Variants in PRKCZ observed in about 807,000 individuals in gnomAD.
The protein encoded by PRKCZ is protein kinase C zeta.
In PRKCZ, 33 loss-of-function variants were observed where a neutral mutation model predicts 79.5. That is an observed-to-expected ratio of 0.41 (90% CI 0.31 to 0.55). The LOEUF is 0.55. Ranked by LOEUF, PRKCZ falls within the 20% of genes least tolerant of loss-of-function variation. The pLI, the probability that PRKCZ is intolerant of heterozygous loss-of-function variation, is 0.19. For missense variants in PRKCZ, 578 were observed against 813.5 expected (o/e 0.71, Z 3.52); for synonymous variants, 342 against 320.9 (o/e 1.07, Z -0.70).
At chr1:2,113,261 C>T (rs947432064) in intron 4 of PRKCZ, among the ~76,000 whole-genome samples, 3 of 152,204 alleles carry the variant, frequency 2.0e-5, no homozygotes, top group East Asian at 3.9e-4. Flanking sequence ...AGGCAGCCGC[C>T]CCGTTTCCTC....
chr1:2,116,353 C>T (rs987551535), intron 4 of PRKCZ: 2 of 152,230 alleles, frequency 1.3e-5, no homozygotes, highest in Non-Finnish European at 2.9e-5. Context: ...GGGGACCCTC[C>T]TTTTAAAGGT....
chr1:2,185,122 G>T lies in PRKCZ; in HGVS notation c.*113G>T. 2.9e-6 allele frequency: 3 copies of T among 1,052,198 alleles called. No homozygotes were observed. Among genetic ancestry groups the T allele is most frequent in the Non-Finnish European group, 2.8e-6 (2 of 709,976 alleles). The allele number at this position is 1,052,198 out of a possible 1,614,324, so 65.2% of individuals were successfully genotyped here. A position where few individuals can be genotyped will look rare whatever the true frequency, so the allele number is the denominator to read the frequency against. On this transcript the variant is annotated 3_prime_UTR_variant, in exon 18 of 18. Coordinates refer to ENST00000378567, the MANE Select transcript of PRKCZ (RefSeq NM_002744.6). ...GCTCCGAGGGCGGCCAGGGACAGAC[G>T]CTTGCGCCGAGACCGCAGAGGGAAG...
Position 2,146,086 on chromosome 1 carries a change from T to G in PRKCZ, c.612T>G (p.Leu204=). ...PVDDKNEDAD[L]PSEETDGIAY... Reference sequence around the variant, plus strand: ...ACGACAAGAACGAGGACGCCGACCTTCCTTCCGAGGAGACAGATGGAAGTA... The same window carrying G: ...ACGACAAGAACGAGGACGCCGACCTGCCTTCCGAGGAGACAGATGGAAGTA... The change falls in exon 7 of 18, where the codon CTT becomes CTG. Residue 204 remains leucine (L), a synonymous_variant. Transcript: ENST00000378567. 1 of 1,614,032 alleles carries G rather than the reference T, an allele frequency of 6.2e-7. No homozygotes were observed. Among genetic ancestry groups the G allele is most frequent in the African/African-American group, 1.3e-5 (1 of 75,028 alleles).
intron 4 of PRKCZ, among the ~76,000 whole-genome samples, chr1:2,092,915 C>T (rs901204295): frequency 6.6e-6 from 1 of 152,194 alleles, no homozygotes; most frequent in South Asian, 2.1e-4. Flanking sequence ...CCAGCGGACA[C>T]ATCTCTTGCC....
At chr1:2,151,005 G>A (rs751507580) in intron 9 of PRKCZ, 27 bp downstream of exon 9, 13 of 1,610,560 alleles carry the variant, frequency 8.1e-6, no homozygotes, top group Middle Eastern at 2.0e-4. Context: ...ATGGGGCCCG[G>A]GGGCCCGGGA....
At chr1:2,159,665 C>T (rs139018108) in intron 10 of PRKCZ, among the ~76,000 whole-genome samples, 15 of 152,336 alleles carry the variant, frequency 9.8e-5, no homozygotes, top group Non-Finnish European at 2.2e-4. Flanking sequence ...ACAGGGAATT[C>T]CTGAATGTTA....
intron 4 of PRKCZ, among the ~76,000 whole-genome samples, chr1:2,062,549 G>T (rs1259530624): frequency 3.3e-5 from 5 of 149,968 alleles, no homozygotes; most frequent in Non-Finnish European, 7.4e-5. Flanking sequence ...TGGAGTGCAT[G>T]GTACAATCTT....
At chr1:2,073,949 C>A in intron 4 of PRKCZ, 1 of 1,367,024 alleles carries the variant, frequency 7.3e-7, no homozygotes, top group Non-Finnish European at 9.5e-7. Context: ...GGGCATCTCC[C>A]CCGTGGATTT....
intron 4 of PRKCZ, among the ~76,000 whole-genome samples, chr1:2,076,117 C>T (rs929724427): frequency 5.9e-5 from 9 of 152,140 alleles, no homozygotes; most frequent in African/African-American, 1.7e-4. Context: ...TGTTTGGGGC[C>T]GGGGCTGAGG....
chr1:2,089,533 C>T (rs1665117461), intron 4 of PRKCZ, among the ~76,000 whole-genome samples: 2 of 152,148 alleles, frequency 1.3e-5, no homozygotes, highest in African/African-American at 4.8e-5. Context: ...AGGACTGGTT[C>T]ACAGCCAGAG....
intron 9 of PRKCZ, among the ~76,000 whole-genome samples, chr1:2,152,899 AT>A (rs1680181553): frequency 6.6e-6 from 1 of 152,254 alleles, no homozygotes; most frequent in Non-Finnish European, 1.5e-5. Context: ...GCCAAGGGGC[AT>A]TATAGTGTTC....
intron 4 of PRKCZ, among the ~76,000 whole-genome samples, chr1:2,085,843 C>T (rs1664425072): frequency 6.6e-6 from 1 of 152,306 alleles, no homozygotes. Flanking sequence ...TCCCCTCTCA[C>T]AGGCAGGTCT....
rs778883573 is a variant in PRKCZ at position 2,174,972 on chromosome 1, T to C, written c.1485+139T>C. ...GTGGGTTGATTTTCCGCTTCAGTAT[T>C]TGAGCTCTGTGTTCTGTGAATCGTC... On this transcript the variant is annotated intron_variant, in intron 15 of 17. Coordinates refer to ENST00000378567, the MANE Select transcript of PRKCZ (RefSeq NM_002744.6). This position sits in a 1 kb window ranked among gnomAD's most constrained non-coding sequence, Gnocchi z 6.2. The C allele has an allele frequency of 4.3e-5, 39 of 914,022 alleles. No homozygotes were observed. The highest frequency in any genetic ancestry group is 5.9e-5 in the Non-Finnish European group (35 of 588,530). 56.6% of individuals were successfully genotyped at this position (914,022 alleles called of 1,614,324 possible).
chr1:2,107,608 C>T (rs1017432339), intron 4 of PRKCZ, among the ~76,000 whole-genome samples: 31 of 152,232 alleles, frequency 2.0e-4, no homozygotes, highest in African/African-American at 7.5e-4. Context: ...CACCGAACCC[C>T]TGGAGGAAAC....
In PRKCZ at chr1:2,059,634, G is replaced by A. The variant is rs757856681; in HGVS notation, c.334+43G>A. On this transcript the variant is annotated intron_variant, in intron 4 of 17. Coordinates refer to ENST00000378567, the MANE Select transcript of PRKCZ (RefSeq NM_002744.6). ...CTACGCCGGTCTCGCATGTTACGGG[G>A]TTGAACTGTTGATCCGTTGTGCCAC... 1.9e-6 allele frequency: 3 copies of A among 1,609,304 alleles called. No homozygotes were observed. In the Admixed American group the frequency reaches 5.0e-5, roughly 27 times the overall value.
At chr1:2,113,497 C>G (rs1196128924) in intron 4 of PRKCZ, among the ~76,000 whole-genome samples, 1 of 152,194 alleles carries the variant, frequency 6.6e-6, no homozygotes, top group Non-Finnish European at 1.5e-5. Flanking sequence ...CAGCCAGAAA[C>G]TCGGAAGTGG....
At chr1:2,166,976 C>T (rs1683463084) in intron 10 of PRKCZ, among the ~76,000 whole-genome samples, 1 of 152,252 alleles carries the variant, frequency 6.6e-6, no homozygotes, top group Admixed American at 6.5e-5. Context: ...CAGCCATGGT[C>T]CCAGGCATCT....
intron 6 of PRKCZ, 101 bp from the exon 7 acceptor site, chr1:2,145,926 A>T: frequency 1.9e-6 from 2 of 1,056,308 alleles, no homozygotes; most frequent in Admixed American, 2.0e-5. Flanking sequence ...CTGTAAAAAA[A>T]AGTTCTTAAT....
At chr1:2,160,238 C>CATGT (rs1553169584) in intron 10 of PRKCZ, among the ~76,000 whole-genome samples, 1 of 146,374 alleles carries the variant, frequency 6.8e-6, no homozygotes, top group Admixed American at 6.8e-5. Context: ...CAGCAGTGTG[C>CATGT]GTGTGTGTGT....
Sources: allele counts gnomAD v4.1 joint callset (sites outside exome capture counted in the v4.1 genomes callset), GRCh38; gene constraint gnomAD v4.1.1; non-coding constraint Gnocchi (gnomAD v3.1); transcripts MANE v1.5; gene names NCBI Gene and HGNC (gene_info 2026-07-23, HGNC 2026-07-21).